SV2C: variants seen among roughly 807,000 people sequenced by gnomAD.
The protein encoded by SV2C is solute carrier family 22 member B3.
Under a neutral mutation model 79.7 loss-of-function variants are expected in SV2C, and 49 were observed. The observed-to-expected ratio is 0.61, with a 90% CI of 0.49 to 0.78. The LOEUF (loss-of-function observed/expected upper bound fraction) is 0.78, where lower values mean the gene tolerates loss of function less well. Among genes scored for constraint, SV2C ranks in the 30% least tolerant of loss-of-function variants. SV2C has a pLI of 0.00. For missense variants in SV2C, 833 were observed against 912.9 expected, an observed-to-expected ratio of 0.91 and a Z score of 1.13; for synonymous variants, 334 against 333.2, an observed-to-expected ratio of 1.00 and a Z score of -0.03.
intron 4 of SV2C, among the ~76,000 whole-genome samples, chr5:76,233,586 T>C (rs1249778016): frequency 6.7e-6 from 1 of 148,326 alleles, no homozygotes; most frequent in Non-Finnish European, 1.5e-5. Context: ...TTGTCATAGA[T>C]AGCTCTTATT....
At chr5:76,295,675 G>GCCATTCT in intron 8 of SV2C, 103 bp from the exon 9 acceptor site, 1 of 1,130,250 alleles carries the variant, frequency 8.8e-7, no homozygotes, top group Non-Finnish European at 1.3e-6. Context: ...TAGGGAGCCA[G>GCCATTCT]CCATTCTCCG....
At chr5:75,850,026 T>G in the SV2C span, among the ~76,000 whole-genome samples, 4 of 152,212 alleles carry the variant, frequency 2.6e-5, no homozygotes, top group African/African-American at 9.6e-5. Flanking sequence ...TTTCTAATTT[T>G]TGAAGAGATT....
chr5:75,997,951 A>G, the SV2C span, among the ~76,000 whole-genome samples: 1 of 150,680 alleles, frequency 6.6e-6, no homozygotes, highest in East Asian at 2.1e-4. Flanking sequence ...CAAATGTCCA[A>G]CAATGATAGA....
the SV2C span, among the ~76,000 whole-genome samples, chr5:75,905,980 G>A: frequency 6.7e-6 from 1 of 148,672 alleles, no homozygotes; most frequent in South Asian, 2.2e-4. Context: ...CTCATAAGAG[G>A]AGAGGACTCT....
rs75874494 is a variant in SV2C at position 76,178,375 on chromosome 5, A to G, written c.581-16544A>G. On this transcript the variant is annotated intron_variant, in intron 2 of 12. Transcript: ENST00000502798. ...ACATCTCCATTCTATTACATGTTAG[A>G]GTAAATTTCTTTTCTTTTTCAGGTG... Among the ~76,000 whole-genome samples the G allele has an allele frequency of 2.6e-3, 396 of 152,322 alleles. 14 individuals carry two copies. The East Asian group carries it at 0.06, about 23-fold the overall frequency.
the SV2C span, among the ~76,000 whole-genome samples, chr5:76,018,858 G>A: frequency 2.0e-5 from 3 of 152,192 alleles, no homozygotes; most frequent in Non-Finnish European, 2.9e-5. Context: ...ATTGGATTAA[G>A]CTTCACAAGT....
intron 1 of SV2C, 69 bp downstream of exon 1, chr5:76,083,581 C>T (rs1018934177): frequency 6.6e-6 from 1 of 152,312 alleles, no homozygotes; most frequent in Non-Finnish European, 1.5e-5. Context: ...CTCTTCCCGA[C>T]TGGTGGCCGG....
At chr5:75,954,105 A>C in the SV2C span, among the ~76,000 whole-genome samples, 2 of 151,990 alleles carry the variant, frequency 1.3e-5, no homozygotes, top group African/African-American at 4.8e-5. Flanking sequence ...CTGGAACATA[A>C]TAATAACTAA....
At chr5:75,984,594 T>TAC in the SV2C span, among the ~76,000 whole-genome samples, 4 of 81,802 alleles carry the variant, frequency 4.9e-5, no homozygotes, top group Non-Finnish European at 8.0e-5. Flanking sequence ...TATCTATCTA[T>TAC]CTACCTATCT....
At chr5:76,223,194 A>G (rs1284267078) in intron 4 of SV2C, among the ~76,000 whole-genome samples, 1 of 151,976 alleles carries the variant, frequency 6.6e-6, no homozygotes, top group African/African-American at 2.4e-5. Flanking sequence ...TTTAAAAATT[A>G]TCTTAGGCTG....
intron 12 of SV2C, among the ~76,000 whole-genome samples, chr5:76,313,117 A>G (rs1423434671): frequency 6.6e-6 from 1 of 152,226 alleles, no homozygotes; most frequent in Non-Finnish European, 1.5e-5. Context: ...ATAGCATCTC[A>G]GGGCCTTTCT....
the SV2C span, among the ~76,000 whole-genome samples, chr5:76,030,266 G>GGTTTTTTTTTTTTTTT: frequency 9.1e-4 from 29 of 31,952 alleles, 1 homozygote; most frequent in African/African-American, 4.1e-3. Flanking sequence ...TCAGAGGCTT[G>GGTTTTTTTTTTTTTTT]TTTTTTTTTT....
chr5:76,192,876 T>G (rs1278312633), intron 2 of SV2C, among the ~76,000 whole-genome samples: 1 of 152,268 alleles, frequency 6.6e-6, no homozygotes, highest in Non-Finnish European at 1.5e-5. Flanking sequence ...ATGACATTTT[T>G]TATACTAACT....
chr5:75,894,757 T>G, the SV2C span, among the ~76,000 whole-genome samples: 1 of 151,922 alleles, frequency 6.6e-6, no homozygotes, highest in Non-Finnish European at 1.5e-5. Context: ...ATCTGGGAAA[T>G]GAAATGACCA....
At chr5:75,982,125 A>G in the SV2C span, among the ~76,000 whole-genome samples, 1 of 150,770 alleles carries the variant, frequency 6.6e-6, no homozygotes, top group Non-Finnish European at 1.5e-5. Context: ...GATATACCTA[A>G]TGCTAGATGA....
chr5:76,258,767 C>T (rs898823664), intron 4 of SV2C, among the ~76,000 whole-genome samples: 3 of 152,286 alleles, frequency 2.0e-5, no homozygotes, highest in Admixed American at 6.5e-5. Flanking sequence ...ACCCATGTAA[C>T]CACCACCCAA....
rs538055698 is a variant in SV2C at position 76,217,059 on chromosome 5, C to T, written c.913+7172C>T. 9.2e-5 allele frequency among the ~76,000 whole-genome samples: 14 copies of T among 152,222 alleles called. No homozygotes were observed. The East Asian group carries it at 2.3e-3, about 25-fold the overall frequency. On this transcript the variant is annotated intron_variant, in intron 4 of 12. Transcript: ENST00000502798. ...AAATGGGAAAGTTCTTGTTTTAGCC[C>T]GAAAGGCCACAGCTCTGAAAGCCCA...
the SV2C span, among the ~76,000 whole-genome samples, chr5:76,069,870 A>C: frequency 2.7e-5 from 4 of 150,890 alleles, no homozygotes; most frequent in African/African-American, 9.7e-5. Flanking sequence ...ACACACACAC[A>C]CACACACCCT....
At chr5:76,019,190 G>A in the SV2C span, among the ~76,000 whole-genome samples, 1 of 152,124 alleles carries the variant, frequency 6.6e-6, no homozygotes, top group African/African-American at 2.4e-5. Flanking sequence ...CATGTATGGA[G>A]TTCTGGAAGC....
Sources: gnomAD v4.1 joint callset for allele counts (sites outside exome capture counted in the v4.1 genomes callset) on GRCh38, gnomAD v4.1.1 for gene constraint, MANE v1.5 for transcripts, NCBI Gene and HGNC (gene_info 2026-07-23, HGNC 2026-07-21) for gene names.